GADL1: variants seen among roughly 807,000 people sequenced by gnomAD.
The protein encoded by GADL1 is GAD like acidic amino acid decarboxylase 1, also known as acidic amino acid decarboxylase GADL1.
In GADL1, 71 loss-of-function variants were observed where a neutral mutation model predicts 69.5. That is an observed-to-expected ratio of 1.02 (90% CI 0.84 to 1.25). The LOEUF (loss-of-function observed/expected upper bound fraction) is 1.25. Among genes scored for constraint, GADL1 ranks in the 50% most tolerant of loss-of-function variants. The pLI is 0.00. For missense variants in GADL1, 737 were observed against 631.8 expected (o/e 1.17, Z -1.79); for synonymous variants, 254 against 214.4 (o/e 1.18, Z -1.62).
chr3:30,797,409 G>A (rs913527237), intron 12 of GADL1, among the ~76,000 whole-genome samples: 1 of 152,162 alleles, frequency 6.6e-6, no homozygotes, highest in Non-Finnish European at 1.5e-5. Flanking sequence ...AAGCAGTTAA[G>A]TAAATAATAA....
At chr3:30,777,237 A>G (rs969019523) in intron 14 of GADL1, among the ~76,000 whole-genome samples, 1 of 152,110 alleles carries the variant, frequency 6.6e-6, no homozygotes, top group South Asian at 2.1e-4. Flanking sequence ...GCTATGGACA[A>G]TGAAAATTGC....
chr3:30,868,110 A>C (rs1013075128), intron 1 of GADL1, among the ~76,000 whole-genome samples: 2 of 152,048 alleles, frequency 1.3e-5, no homozygotes, highest in African/African-American at 4.8e-5. Context: ...GAGTGACTCC[A>C]AATATGCATT....
intron 11 of GADL1, among the ~76,000 whole-genome samples, chr3:30,807,759 T>TAG (rs1254715354): frequency 6.6e-6 from 1 of 152,172 alleles, no homozygotes; most frequent in Non-Finnish European, 1.5e-5. Context: ...CCGGGTGCAG[T>TAG]AGTGGCTCAT....
At chr3:30,765,946 C>CGG (rs57897028) in intron 14 of GADL1, among the ~76,000 whole-genome samples, 66,765 of 151,748 alleles carry the variant, frequency 0.44, 14,670 homozygotes, top group African/African-American at 0.46. Context: ...ACTGGCAAGA[C>CGG]GGGAAGAAAA....
intron 14 of GADL1, among the ~76,000 whole-genome samples, chr3:30,736,537 T>G (rs533979224): frequency 8.2e-4 from 125 of 152,332 alleles, no homozygotes; most frequent in African/African-American, 2.8e-3. Context: ...GCTTGGACTT[T>G]TATTACATTA....
intron 13 of GADL1, among the ~76,000 whole-genome samples, chr3:30,781,197 A>G (rs1383289671): frequency 1.3e-5 from 2 of 152,214 alleles, no homozygotes; most frequent in Non-Finnish European, 2.9e-5. Context: ...TTCATGATAA[A>G]GGAGTAATGT....
At chr3:30,807,834 G>A (rs1164009083) in intron 11 of GADL1, among the ~76,000 whole-genome samples, 3 of 151,426 alleles carry the variant, frequency 2.0e-5, no homozygotes, top group Non-Finnish European at 4.4e-5. Context: ...GAGTTTGAGA[G>A]CAGCCTGGCC....
chr3:30,730,411 A>G lies in GADL1; in HGVS notation c.1393-1996T>C, dbSNP rs9862648. ...TGATCACACTAGGCAAGAGAACTGT[A>G]AAAGCTTTTGAGAATCCAGACTGAT... On this transcript the variant is annotated intron_variant, in intron 14 of 14. Coordinates refer to ENST00000282538, the MANE Select transcript of GADL1 (RefSeq NM_207359.3). 7.2e-3 allele frequency among the ~76,000 whole-genome samples: 1,099 copies of G among 152,312 alleles called. 13 individuals are homozygous for G. The highest frequency in any genetic ancestry group is 0.025 in the African/African-American group (1,054 of 41,580).
intron 9 of GADL1, 63 bp from the exon 10 acceptor site, chr3:30,834,344 T>A (rs1697839489): frequency 1.1e-5 from 15 of 1,412,210 alleles, no homozygotes; most frequent in Non-Finnish European, 1.5e-5. Flanking sequence ...ACCAGTGGGT[T>A]GTCATAGAAA....
chr3:30,861,894 A>G (rs1174588492), intron 1 of GADL1, 129 bp from the exon 2 acceptor site: 2 of 621,118 alleles, frequency 3.2e-6, no homozygotes, highest in Non-Finnish European at 5.5e-6. Flanking sequence ...GCATCATTTG[A>G]GGTGTTGAGC....
rs755907094 is a variant in GADL1 at position 30,796,564 on chromosome 3, G to GA, written c.1250+4324dup. On this transcript the variant is annotated intron_variant, in intron 12 of 14. Transcript: ENST00000282538. ...ATTAAACTTTCCTCGGGATTGTTGA[G>GA]AGAGGAGTACTTTATCTTTTTGATC... Among the ~76,000 whole-genome samples, 168 of 152,118 alleles carry GA rather than the reference G, an allele frequency of 1.1e-3. 5 individuals carry two copies. Among genetic ancestry groups the GA allele is most frequent in the Non-Finnish European group, 3.7e-4 (25 of 68,030 alleles).
chr3:30,806,011 T>C (rs1697247939), intron 11 of GADL1, among the ~76,000 whole-genome samples: 2 of 152,004 alleles, frequency 1.3e-5, no homozygotes, highest in South Asian at 4.2e-4. Flanking sequence ...ACTCACCTCC[T>C]GCTGTGTGGC....
At chr3:30,760,770 C>A (rs7652095) in intron 14 of GADL1, among the ~76,000 whole-genome samples, 61,080 of 151,968 alleles carry the variant, frequency 0.4, 12,578 homozygotes, top group East Asian at 0.51. Flanking sequence ...AATTGATTCT[C>A]TAATCTTGGG....
intron 4 of GADL1, among the ~76,000 whole-genome samples, chr3:30,851,210 AG>A (rs1698141804): frequency 6.6e-6 from 1 of 152,194 alleles, no homozygotes; most frequent in Non-Finnish European, 1.5e-5. Flanking sequence ...GGAGCAATAA[AG>A]GCAATGCATT....
rs574764877 is a variant in GADL1 at position 30,772,604 on chromosome 3, C to T, written c.1392+5575G>A. Among the ~76,000 whole-genome samples, 55 of 152,184 alleles carry T rather than the reference C, an allele frequency of 3.6e-4. 1 individual carries two copies. The highest frequency in any genetic ancestry group is 1.0e-3 in the African/African-American group (42 of 41,540). On this transcript the variant is annotated intron_variant, in intron 14 of 14. Coordinates refer to ENST00000282538, the MANE Select transcript of GADL1 (RefSeq NM_207359.3). Reference sequence around the variant, plus strand: ...AAAGCAAAGTGTATAGGGCTGGGTGCGGTGGCTCATGTCTGTAATCCAAGC... The same window carrying T: ...AAAGCAAAGTGTATAGGGCTGGGTGTGGTGGCTCATGTCTGTAATCCAAGC...
At chr3:30,754,771 C>A (rs1695925221) in intron 14 of GADL1, among the ~76,000 whole-genome samples, 1 of 152,052 alleles carries the variant, frequency 6.6e-6, no homozygotes, top group African/African-American at 2.4e-5. Flanking sequence ...GATAAACTGG[C>A]AAATGTAGAA....
chr3:30,770,644 A>AT (rs1466925107), intron 14 of GADL1, among the ~76,000 whole-genome samples: 7 of 152,150 alleles, frequency 4.6e-5, no homozygotes, highest in African/African-American at 1.7e-4. Flanking sequence ...AACTGGTCTC[A>AT]TCCTAACCTC....
chr3:30,729,001 GA>G (rs975143837), intron 14 of GADL1, among the ~76,000 whole-genome samples: 3 of 151,732 alleles, frequency 2.0e-5, no homozygotes, highest in Non-Finnish European at 4.4e-5. Context: ...TTTCATCCTA[GA>G]AAAAAAGAAA....
chr3:30,893,149 C>T (rs1698807436), intron 1 of GADL1, among the ~76,000 whole-genome samples: 5 of 152,246 alleles, frequency 3.3e-5, no homozygotes, highest in Admixed American at 3.3e-4. Context: ...AGCCATCATG[C>T]CCAGCCTAAC....
Sources: allele counts gnomAD v4.1 joint callset (sites outside exome capture counted in the v4.1 genomes callset), GRCh38; gene constraint gnomAD v4.1.1; transcripts MANE v1.5; gene names NCBI Gene and HGNC (gene_info 2026-07-23, HGNC 2026-07-21).